STAU2: variants seen among roughly 807,000 people sequenced by gnomAD.
STAU2 encodes double-stranded RNA-binding protein Staufen homolog 2.
A neutral mutation model predicts 65.9 loss-of-function variants in STAU2; 20 were observed. The ratio of observed to expected loss-of-function variants is 0.30; its 90% CI spans 0.21 to 0.44. STAU2 has a LOEUF of 0.44. Ranked by LOEUF, STAU2 falls within the 20% of genes least tolerant of loss-of-function variation. The pLI is 1.00. For synonymous variants in STAU2, 232 were observed against 233.9 expected, an observed-to-expected ratio of 0.99 and a Z score of 0.07; for missense variants, 558 against 683.9, an observed-to-expected ratio of 0.82 and a Z score of 2.05.
At chr8:73,460,798 A>G (rs1286582599) in intron 13 of STAU2, among the ~76,000 whole-genome samples, 5 of 152,202 alleles carry the variant, frequency 3.3e-5, no homozygotes, top group African/African-American at 1.2e-4. Context: ...AGTCACAAGG[A>G]GCTCTAAGAT....
At chr8:73,495,713 T>G (rs950706676) in intron 13 of STAU2, among the ~76,000 whole-genome samples, 28 of 140,136 alleles carry the variant, frequency 2.0e-4, no homozygotes, top group African/African-American at 7.3e-4. Context: ...ATTTATTGGA[T>G]TTACCTAACA....
intron 13 of STAU2, among the ~76,000 whole-genome samples, chr8:73,539,494 A>G (rs4478565): frequency 0.36 from 54,184 of 151,968 alleles, 11,070 homozygotes; most frequent in Non-Finnish European, 0.45. Context: ...CAAAATAAAA[A>G]AAAATTTACT....
intron 13 of STAU2, among the ~76,000 whole-genome samples, chr8:73,517,504 A>G (rs1040034303): frequency 2.0e-5 from 3 of 152,166 alleles, no homozygotes; most frequent in Admixed American, 6.6e-5. Context: ...AACTTACTAG[A>G]AAATCTAGAA....
chr8:73,731,783 C>T (rs1428856765), intron 3 of STAU2, among the ~76,000 whole-genome samples: 1 of 151,822 alleles, frequency 6.6e-6, no homozygotes, highest in Non-Finnish European at 1.5e-5. Context: ...ACTAAAAATA[C>T]AAAAAATTAG....
intron 6 of STAU2, among the ~76,000 whole-genome samples, chr8:73,666,152 G>A (rs959725238): frequency 3.3e-5 from 5 of 152,112 alleles, no homozygotes; most frequent in African/African-American, 1.2e-4. Flanking sequence ...TTTCCAATAT[G>A]CTTTTTAAGA....
intron 12 of STAU2, among the ~76,000 whole-genome samples, chr8:73,576,634 T>C (rs1809581603): frequency 6.6e-6 from 1 of 152,180 alleles, no homozygotes; most frequent in South Asian, 2.1e-4. Flanking sequence ...GGGTGTTCAT[T>C]ATCTTGCTTC....
intron 6 of STAU2, among the ~76,000 whole-genome samples, chr8:73,655,725 T>C (rs1816311276): frequency 7.1e-6 from 1 of 141,152 alleles, no homozygotes; most frequent in Admixed American, 7.6e-5. Flanking sequence ...CTCGGCTCAC[T>C]GCAAGCTCCA....
chr8:73,448,358 A>C (rs1585777884), intron 13 of STAU2, among the ~76,000 whole-genome samples: 1 of 152,018 alleles, frequency 6.6e-6, no homozygotes, highest in East Asian at 1.9e-4. Context: ...ATCTTGGCTC[A>C]CTGCAACTGC....
chr8:73,712,988 T>C (rs1821002000), intron 3 of STAU2, among the ~76,000 whole-genome samples: 1 of 152,148 alleles, frequency 6.6e-6, no homozygotes, highest in South Asian at 2.1e-4. Flanking sequence ...GAAAAGCATG[T>C]ATTTGTTATT....
Position 73,515,769 on chromosome 8 carries a change from TTC to T in STAU2, c.1530+36241_1530+36242del, listed in dbSNP as rs1424731632. Among the ~76,000 whole-genome samples the T allele has an allele frequency of 2.5e-3, 312 of 127,294 alleles. 1 individual carries two copies. Among genetic ancestry groups the T allele is most frequent in the Middle Eastern group, 4.4e-3 (1 of 228 alleles). 83.5% of individuals were successfully genotyped at this position (127,294 alleles called of 152,430 possible). ...AACCTTCTCCCTGTGCTGAAAAAAT[TTC>T]TCTTTTTTTTTTTTTTTTTTTTTTT... On this transcript the variant is annotated intron_variant, in intron 13 of 14. Coordinates refer to ENST00000524300, the MANE Select transcript of STAU2 (RefSeq NM_001164380.2).
chr8:73,716,534 C>G (rs983255219), intron 3 of STAU2, among the ~76,000 whole-genome samples: 1 of 152,214 alleles, frequency 6.6e-6, no homozygotes, highest in Non-Finnish European at 1.5e-5. Context: ...TTAAACAGGA[C>G]AAAAACACAG....
chr8:73,438,962 T>C (rs774937373), intron 13 of STAU2: 1 of 456,748 alleles, frequency 2.2e-6, no homozygotes, highest in Non-Finnish European at 4.4e-6. Context: ...CCTTCACCAC[T>C]GGTCATGTGA....
intron 6 of STAU2, among the ~76,000 whole-genome samples, chr8:73,640,306 G>C (rs933085335): frequency 6.6e-5 from 10 of 151,896 alleles, no homozygotes; most frequent in African/African-American, 2.4e-4. Context: ...AACCAGCAGG[G>C]ACAAATAAGT....
intron 10 of STAU2, among the ~76,000 whole-genome samples, chr8:73,601,001 T>C (rs1407707457): frequency 5.9e-5 from 9 of 152,268 alleles, no homozygotes; most frequent in Non-Finnish European, 1.3e-4. Context: ...AGTAAGTTTA[T>C]AAATTTCACA....
intron 4 of STAU2, among the ~76,000 whole-genome samples, chr8:73,697,737 T>C (rs1203330773): frequency 1.3e-5 from 2 of 152,194 alleles, no homozygotes; most frequent in East Asian, 1.9e-4. Flanking sequence ...TGCAAGTTTG[T>C]TTCTGCAATT....
chr8:73,747,345 T>C, upstream of STAU2: 2 of 1,531,782 alleles, frequency 1.3e-6, no homozygotes, highest in Non-Finnish European at 1.7e-6. Context: ...GACCGTCTGC[T>C]CTTTCTGGTC....
intron 13 of STAU2, among the ~76,000 whole-genome samples, chr8:73,541,089 G>A (rs1418253821): frequency 6.6e-6 from 1 of 152,204 alleles, no homozygotes; most frequent in Non-Finnish European, 1.5e-5. Flanking sequence ...AGAACTGGTT[G>A]AGATTTGAAA....
At chr8:73,638,517 TTA>T (rs1491335438) in intron 6 of STAU2, among the ~76,000 whole-genome samples, 37 of 127,244 alleles carry the variant, frequency 2.9e-4, no homozygotes, top group Middle Eastern at 4.7e-3. Flanking sequence ...TTTTTTTTTT[TTA>T]AAAAGAGTCC....
At chr8:73,479,472 G>GCGCA (rs1554595263) in intron 13 of STAU2, among the ~76,000 whole-genome samples, 3 of 139,842 alleles carry the variant, frequency 2.1e-5, no homozygotes, top group Admixed American at 7.2e-5. Flanking sequence ...TCCCTATTCT[G>GCGCA]CACACACACA....
Sources: allele counts gnomAD v4.1 joint callset (sites outside exome capture counted in the v4.1 genomes callset), GRCh38; gene constraint gnomAD v4.1.1; transcripts MANE v1.5; gene names NCBI Gene and HGNC (gene_info 2026-07-23, HGNC 2026-07-21).